The following QTMAN variants were observed in gnomAD, a reference collection of about 807,000 sequenced individuals.
QTMAN encodes queuosine-tRNA mannosyltransferase, also known as tRNA-queuosine alpha-mannosyltransferase.
chr2:144,254,757 G>A, the QTMAN span, among the ~76,000 whole-genome samples: 1 of 152,204 alleles, frequency 6.6e-6, no homozygotes, highest in African/African-American at 2.4e-5. Flanking sequence ...CAGTCGGGAG[G>A]GAAGCTGTAC....
the QTMAN span, among the ~76,000 whole-genome samples, chr2:144,237,023 A>C: frequency 1.3e-5 from 2 of 152,172 alleles, no homozygotes; most frequent in Non-Finnish European, 2.9e-5. Context: ...ATATTTAGAC[A>C]ATCACCTTCT....
the QTMAN span, among the ~76,000 whole-genome samples, chr2:144,188,637 T>C: frequency 2.0e-5 from 3 of 152,182 alleles, no homozygotes; most frequent in East Asian, 5.8e-4. Context: ...TATAAAACTT[T>C]CTGACACTTC....
At chr2:144,060,043 C>T in the QTMAN span, among the ~76,000 whole-genome samples, 1 of 152,022 alleles carries the variant, frequency 6.6e-6, no homozygotes, top group Non-Finnish European at 1.5e-5. Context: ...CCTCTCTGTG[C>T]TTGTCTTTGT....
At chr2:143,962,270 T>A in the QTMAN span, among the ~76,000 whole-genome samples, 1 of 152,008 alleles carries the variant, frequency 6.6e-6, no homozygotes, top group East Asian at 1.9e-4. Flanking sequence ...GAGTTGGGAT[T>A]TTGCCAGGTG....
At chr2:144,178,771 T>C in the QTMAN span, 3 of 332,414 alleles carry the variant, frequency 9.0e-6, no homozygotes, top group Middle Eastern at 4.1e-4. Flanking sequence ...CAGAGAGATT[T>C]AGAGAAAGTA....
chr2:143,943,197 G>C, the QTMAN span: 1 of 151,972 alleles, frequency 6.6e-6, no homozygotes, highest in Admixed American at 6.6e-5. Flanking sequence ...AGAATTGCTC[G>C]CATGTTTTTC....
At chr2:144,153,823 T>C in the QTMAN span, among the ~76,000 whole-genome samples, 3 of 152,232 alleles carry the variant, frequency 2.0e-5, no homozygotes, top group African/African-American at 7.2e-5. Flanking sequence ...TAAAGGAAGA[T>C]AGAAAACCAC....
the QTMAN span, among the ~76,000 whole-genome samples, chr2:144,319,440 T>G: frequency 6.6e-6 from 1 of 152,164 alleles, no homozygotes; most frequent in South Asian, 2.1e-4. Context: ...ATATAAGATC[T>G]TTAAAGCTTG....
At chr2:144,298,816 C>A in the QTMAN span, among the ~76,000 whole-genome samples, 2 of 152,208 alleles carry the variant, frequency 1.3e-5, no homozygotes, top group Non-Finnish European at 2.9e-5. Flanking sequence ...AACGCTAATT[C>A]TTCCTCTCTT....
chr2:144,297,997 T>G, the QTMAN span, among the ~76,000 whole-genome samples: 1 of 151,970 alleles, frequency 6.6e-6, no homozygotes, highest in African/African-American at 2.4e-5. Flanking sequence ...GTAAAAGTAT[T>G]ACGACTACAT....
the QTMAN span, among the ~76,000 whole-genome samples, chr2:144,331,052 CTA>C: frequency 6.6e-6 from 1 of 152,080 alleles, no homozygotes; most frequent in Non-Finnish European, 1.5e-5. Context: ...CAGATTTTAC[CTA>C]TTCATTGTTT....
chr2:144,308,800 A>G, the QTMAN span, among the ~76,000 whole-genome samples: 72 of 152,220 alleles, frequency 4.7e-4, no homozygotes, highest in Non-Finnish European at 9.1e-4. Context: ...AAAAAGAAAG[A>G]AAGAAAGCAC....
At chr2:144,211,261 A>C in the QTMAN span, 1 of 152,586 alleles carries the variant, frequency 6.6e-6, no homozygotes, top group Non-Finnish European at 1.5e-5. Flanking sequence ...AAGGGGAAAA[A>C]AAGATTATAG....
the QTMAN span, among the ~76,000 whole-genome samples, chr2:144,023,538 T>C: frequency 6.6e-6 from 1 of 152,248 alleles, no homozygotes; most frequent in African/African-American, 2.4e-5. Flanking sequence ...CAACAATCCA[T>C]GGTCTTCTTT....
the QTMAN span, among the ~76,000 whole-genome samples, chr2:144,148,565 T>C: frequency 2.6e-5 from 4 of 152,018 alleles, no homozygotes; most frequent in South Asian, 2.1e-4. Flanking sequence ...CATATCTGTA[T>C]TTCTAGCCAT....
the QTMAN span, among the ~76,000 whole-genome samples, chr2:144,204,946 G>A: frequency 1.6e-5 from 2 of 127,514 alleles, no homozygotes; most frequent in African/African-American, 5.9e-5. Flanking sequence ...TGAACAATGA[G>A]AACACATGGA....
the QTMAN span, among the ~76,000 whole-genome samples, chr2:144,220,082 G>C: frequency 2.0e-4 from 30 of 152,230 alleles, no homozygotes; most frequent in Non-Finnish European, 3.2e-4. Flanking sequence ...ACAGAGTCTA[G>C]AGATCTTTAA....
At chr2:144,025,123 A>G in the QTMAN span, among the ~76,000 whole-genome samples, 1 of 152,166 alleles carries the variant, frequency 6.6e-6, no homozygotes, top group Non-Finnish European at 1.5e-5. Context: ...AGGACTTGCT[A>G]AAGACAGAAA....
chr2:144,158,592 A>G, the QTMAN span, among the ~76,000 whole-genome samples: 1 of 151,992 alleles, frequency 6.6e-6, no homozygotes. Flanking sequence ...CTTTACAAGC[A>G]TAGGTTTATT....
Sources: allele counts gnomAD v4.1 joint callset (sites outside exome capture counted in the v4.1 genomes callset), GRCh38; gene constraint gnomAD v4.1.1; transcripts MANE v1.5; gene names NCBI Gene and HGNC (gene_info 2026-07-23, HGNC 2026-07-21).